The following SLC22A15 variants were observed in gnomAD, a reference collection of about 807,000 sequenced individuals.
SLC22A15 encodes flipt 1.
Under a neutral mutation model 62.7 loss-of-function variants are expected in SLC22A15, and 45 were observed. The ratio of observed to expected loss-of-function variants is 0.72; its 90% CI spans 0.56 to 0.92. The LOEUF is 0.92. SLC22A15 is among the 40% of genes least tolerant of loss of function. The pLI, the probability that SLC22A15 is intolerant of heterozygous loss-of-function variation, is 0.00. For missense variants in SLC22A15, 622 were observed against 665.6 expected, an observed-to-expected ratio of 0.93 and a Z score of 0.72; for synonymous variants, 264 against 267.0, an observed-to-expected ratio of 0.99 and a Z score of 0.11.
intron 2 of SLC22A15, 139 bp downstream of exon 2, chr1:115,992,382 G>A (rs1433573325): frequency 5.4e-6 from 4 of 744,568 alleles, no homozygotes; most frequent in African/African-American, 1.8e-5. Context: ...AGGTTTTAAT[G>A]TATCAAAGGA....
At chr1:116,033,583 G>GTGTGTGTA (rs1553223951) in intron 6 of SLC22A15, among the ~76,000 whole-genome samples, 6,027 of 145,600 alleles carry the variant, frequency 0.041, 161 homozygotes, top group African/African-American at 0.071. Context: ...GTGTGTGTGT[G>GTGTGTGTA]TGTGTATGTG....
intron 1 of SLC22A15, among the ~76,000 whole-genome samples, chr1:115,989,781 CAA>C (rs36098680): frequency 6.9e-6 from 1 of 145,864 alleles, no homozygotes. Flanking sequence ...AACTCAGTCT[CAA>C]AAAAAAAAAA....
intron 2 of SLC22A15, among the ~76,000 whole-genome samples, chr1:116,012,576 G>GT (rs1469806399): frequency 6.6e-6 from 1 of 152,210 alleles, no homozygotes; most frequent in Non-Finnish European, 1.5e-5. Context: ...CAGATAGACA[G>GT]TAAGTGTAAA....
intron 1 of SLC22A15, among the ~76,000 whole-genome samples, chr1:115,978,419 C>T (rs909442005): frequency 2.6e-5 from 4 of 152,164 alleles, no homozygotes; most frequent in African/African-American, 9.7e-5. Flanking sequence ...TGCCTATGAC[C>T]GTTCACTAAA....
At chr1:115,994,347 A>AT (rs1162743596) in intron 2 of SLC22A15, among the ~76,000 whole-genome samples, 3 of 152,228 alleles carry the variant, frequency 2.0e-5, no homozygotes, top group Non-Finnish European at 4.4e-5. Context: ...CATTTTACAG[A>AT]TTTAAAAAAT....
intron 2 of SLC22A15, among the ~76,000 whole-genome samples, chr1:115,998,563 A>G (rs941846634): frequency 2.6e-5 from 4 of 152,126 alleles, no homozygotes; most frequent in African/African-American, 9.7e-5. Context: ...TAGGTTTTCC[A>G]ACTTATTGGC....
intron 8 of SLC22A15, among the ~76,000 whole-genome samples, chr1:116,046,072 TA>T (rs1657923209): frequency 1.3e-5 from 2 of 152,294 alleles, no homozygotes; most frequent in African/African-American, 4.8e-5. Context: ...CTTCAACCTG[TA>T]AATCACATTA....
chr1:115,989,706 G>A (rs368524049), intron 1 of SLC22A15, among the ~76,000 whole-genome samples: 7 of 152,026 alleles, frequency 4.6e-5, no homozygotes, highest in Non-Finnish European at 7.4e-5. Flanking sequence ...GCTTGAATCC[G>A]GGAGGCAGAG....
rs761637033 is a variant in SLC22A15 at position 116,031,395 on chromosome 1, A to G, written c.758A>G (p.Tyr253Cys). Residue 253 changes from tyrosine to cysteine, a missense_variant, in exon 6 of 12, where the codon TAC (tyrosine) becomes TGC (cysteine). Transcript: ENST00000369503. Reference sequence around the variant, plus strand: ...ATTCCTGAATCACCTCGTTGGTTATACTCCCAGGGTCGACTGAGTGAGGCT... The same window carrying G: ...ATTCCTGAATCACCTCGTTGGTTATGCTCCCAGGGTCGACTGAGTGAGGCT... ...LFIPESPRWLYSQGRLSEAEE... is the reference protein window; with the variant it reads ...LFIPESPRWLCSQGRLSEAEE... The G allele has an allele frequency of 1.9e-6, 3 of 1,613,442 alleles. No individual in the cohort carries two copies. Among genetic ancestry groups the G allele is most frequent in the Non-Finnish European group, 2.5e-6 (3 of 1,179,792 alleles).
intron 1 of SLC22A15, among the ~76,000 whole-genome samples, chr1:115,982,464 G>T (rs1290913294): frequency 6.6e-6 from 1 of 152,060 alleles, no homozygotes; most frequent in African/African-American, 2.4e-5. Context: ...CAGCAATGTT[G>T]TGAATGCGTT....
At chr1:116,011,510 C>T (rs562435091) in intron 2 of SLC22A15, among the ~76,000 whole-genome samples, 19 of 152,212 alleles carry the variant, frequency 1.2e-4, no homozygotes, top group African/African-American at 2.6e-4. Flanking sequence ...GCCTATAAGA[C>T]GATGGCACTT....
At chr1:116,045,555 A>G (rs1331423267) in intron 8 of SLC22A15, among the ~76,000 whole-genome samples, 1 of 151,254 alleles carries the variant, frequency 6.6e-6, no homozygotes, top group African/African-American at 2.4e-5. Context: ...CTTGGCCAAC[A>G]TGGTGAAACC....
At chr1:116,046,604 A>G (rs1657936190) in intron 8 of SLC22A15, among the ~76,000 whole-genome samples, 1 of 152,204 alleles carries the variant, frequency 6.6e-6, no homozygotes, top group African/African-American at 2.4e-5. Context: ...GGAGGCTCGC[A>G]TCATGAACTT....
intron 2 of SLC22A15, among the ~76,000 whole-genome samples, chr1:115,994,769 ACAC>A (rs1655336878): frequency 6.6e-6 from 1 of 152,160 alleles, no homozygotes; most frequent in Non-Finnish European, 1.5e-5. Context: ...CTTCATAACC[ACAC>A]CACAGTTATC....
intron 2 of SLC22A15, among the ~76,000 whole-genome samples, chr1:116,001,618 G>A (rs1333605505): frequency 2.6e-5 from 4 of 151,908 alleles, no homozygotes; most frequent in African/African-American, 9.7e-5. Flanking sequence ...CTGCTCTTGA[G>A]AGATTCTGGT....
At chr1:115,998,138 G>C (rs1655515329) in intron 2 of SLC22A15, among the ~76,000 whole-genome samples, 1 of 152,152 alleles carries the variant, frequency 6.6e-6, no homozygotes. Context: ...AATCCCACTT[G>C]CTCATGATGG....
rs17035065 is a variant in SLC22A15 at position 115,987,109 on chromosome 1, G to A, written c.88-4922G>A. On this transcript the variant is annotated intron_variant, in intron 1 of 11. Transcript: ENST00000369503. ...TTTATCCATTAATACGTTTTGACTG[G>A]AAGAGTTTCATGAGGAGTTTCAGGG... 7.5e-3 allele frequency among the ~76,000 whole-genome samples: 1,134 copies of A among 152,124 alleles called. 13 individuals are homozygous for A. The highest frequency in any genetic ancestry group is 0.026 in the African/African-American group (1,068 of 41,494).
chr1:115,989,037 A>G (rs1175984665), intron 1 of SLC22A15, among the ~76,000 whole-genome samples: 3 of 152,160 alleles, frequency 2.0e-5, no homozygotes, highest in African/African-American at 7.2e-5. Context: ...CTGGCACTGC[A>G]TAGAAGAGTT....
At chr1:116,016,526 G>T (rs550768542) in intron 2 of SLC22A15, among the ~76,000 whole-genome samples, 2 of 152,282 alleles carry the variant, frequency 1.3e-5, no homozygotes, top group South Asian at 4.1e-4. Flanking sequence ...CACCCAGCCT[G>T]TATCTGTAGT....
Sources: allele counts gnomAD v4.1 joint callset (sites outside exome capture counted in the v4.1 genomes callset), GRCh38; gene constraint gnomAD v4.1.1; transcripts MANE v1.5; gene names NCBI Gene and HGNC (gene_info 2026-07-23, HGNC 2026-07-21).